PCDHGB4: variants seen among roughly 807,000 people sequenced by gnomAD.
PCDHGB4 encodes protocadherin gamma-B4.
In PCDHGB4, 38 loss-of-function variants were observed where a neutral mutation model predicts 60.5. The ratio of observed to expected loss-of-function variants is 0.63; its 90% CI spans 0.48 to 0.82. PCDHGB4 has a LOEUF of 0.82. PCDHGB4 is among the 40% of genes least tolerant of loss of function. The pLI is 0.00. For synonymous variants in PCDHGB4, 456 were observed against 509.7 expected (o/e 0.89, Z 1.42); for missense variants, 1,109 against 1,209.6 (o/e 0.92, Z 1.23).
At position 141,400,239 on chromosome 5, in the gene PCDHGB4, T is replaced by G. The variant is rs1306520918; in HGVS notation, c.2397+9958T>G. Reference sequence around the variant, plus strand: ...CAGTGCTCTTCCTCCTGGCCGTGATTCTGGCCGTTGCCTTGCGCCTGCGAC... The same window carrying G: ...CAGTGCTCTTCCTCCTGGCCGTGATGCTGGCCGTTGCCTTGCGCCTGCGAC... On this transcript the variant is annotated intron_variant, in intron 1 of 3. Coordinates refer to ENST00000519479, the MANE Select transcript of PCDHGB4 (RefSeq NM_003736.4). 1.9e-6 allele frequency: 3 copies of G among 1,614,054 alleles called. No individual in the cohort carries two copies. The highest frequency in any genetic ancestry group is 2.2e-5 in the East Asian group (1 of 44,880).
intron 1 of PCDHGB4, chr5:141,411,955 A>C (rs1427605209): frequency 6.6e-5 from 10 of 152,244 alleles, no homozygotes; most frequent in African/African-American, 1.2e-4. Context: ...TTTGAAGAAA[A>C]AAGATAAAAT....
intron 1 of PCDHGB4, chr5:141,423,925 T>C (rs17097293): frequency 0.23 from 286,429 of 1,244,544 alleles, 36,355 homozygotes; most frequent in African/African-American, 0.51. Flanking sequence ...ACTATGCTGG[T>C]TTGGTTTGAA....
intron 1 of PCDHGB4, among the ~76,000 whole-genome samples, chr5:141,479,878 A>G (rs1033313584): frequency 2.0e-5 from 3 of 152,170 alleles, no homozygotes; most frequent in African/African-American, 7.2e-5. Context: ...AGAACCCTAT[A>G]CATACTCTCA....
chr5:141,401,888 TTC>T (rs1281227155), intron 1 of PCDHGB4, among the ~76,000 whole-genome samples: 3 of 152,232 alleles, frequency 2.0e-5, no homozygotes, highest in Non-Finnish European at 2.9e-5. Flanking sequence ...ATATTTTGTG[TTC>T]TTTTTCCCAA....
At chr5:141,495,015 G>C in intron 2 of PCDHGB4, 150 bp downstream of exon 2, 2 of 1,507,428 alleles carry the variant, frequency 1.3e-6, no homozygotes, top group East Asian at 4.9e-5. Flanking sequence ...CGGGGGGCTG[G>C]CACACAGACC....
Position 141,403,717 on chromosome 5 carries a change from G to A in PCDHGB4, c.2397+13436G>A, listed in dbSNP as rs1561689674. On this transcript the variant is annotated intron_variant, in intron 1 of 3. Transcript: ENST00000519479. Reference sequence around the variant, plus strand: ...ACCGAGTTAAAGTCCTTGAGAACGTGCCCCCAGGCACCTGGCTGCTTACTG... The same window carrying A: ...ACCGAGTTAAAGTCCTTGAGAACGTACCCCCAGGCACCTGGCTGCTTACTG... 3 of 1,613,936 alleles carry A rather than the reference G, an allele frequency of 1.9e-6. No homozygotes were observed. In the South Asian group the frequency reaches 3.3e-5, roughly 18 times the overall value.
Position 141,388,337 on chromosome 5 carries a change from A to G in PCDHGB4, c.453A>G (p.Arg151=), listed in dbSNP as rs1256150334. Residue 151 remains arginine (R), a synonymous_variant, in exon 1 of 4, where the codon CGA becomes CGG. Transcript: ENST00000519479. ...QISESAQPGT[R]FILGSAHDAD... is the part of the protein sequence containing the mutation. The stretch of plus-strand genomic sequence containing the variant: ...GTGAGTCTGCACAGCCTGGCACACG[A>G]TTTATATTAGGATCTGCCCATGATG... 6.2e-7 allele frequency: 1 copy of G among 1,613,990 alleles called. No homozygotes were observed. The highest frequency in any genetic ancestry group is 8.5e-7 in the Non-Finnish European group (1 of 1,179,872).
intron 1 of PCDHGB4, chr5:141,468,346 AAAAG>A (rs2099164910): frequency 6.8e-6 from 1 of 147,210 alleles, no homozygotes; most frequent in South Asian, 2.2e-4. Flanking sequence ...AAAAAAAAAA[AAAAG>A]AAAGAAAAAA....
chr5:141,469,677 T>C (rs1271778909), intron 1 of PCDHGB4, among the ~76,000 whole-genome samples: 1 of 152,246 alleles, frequency 6.6e-6, no homozygotes, highest in African/African-American at 2.4e-5. Context: ...TAAAACTACA[T>C]ATGCATTGGT....
chr5:141,425,943 C>A (rs2096904576), intron 1 of PCDHGB4, among the ~76,000 whole-genome samples: 1 of 152,220 alleles, frequency 6.6e-6, no homozygotes, highest in Non-Finnish European at 1.5e-5. Flanking sequence ...TGTCTAGTTT[C>A]CTATACATTA....
At chr5:141,504,671 G>C (rs1459848730) in intron 2 of PCDHGB4, among the ~76,000 whole-genome samples, 1 of 111,068 alleles carries the variant, frequency 9.0e-6, no homozygotes, top group East Asian at 3.2e-4. Context: ...GGGGGGTGGG[G>C]GTTCTTGTAA....
At chr5:141,423,975 A>G in intron 1 of PCDHGB4, 2 of 1,126,024 alleles carry the variant, frequency 1.8e-6, no homozygotes, top group Non-Finnish European at 2.2e-6. Flanking sequence ...TTATCAGTGT[A>G]TGAGGCTCTC....
intron 1 of PCDHGB4, chr5:141,414,582 C>T (rs2095761888): frequency 2.5e-6 from 4 of 1,613,862 alleles, no homozygotes; most frequent in Non-Finnish European, 3.4e-6. Flanking sequence ...CAGAGAACAA[C>T]GCCAGGGGTG....
chr5:141,456,701 G>A lies in PCDHGB4; in HGVS notation c.2398-38106G>A, dbSNP rs370086323. ...CATTACTGGCCAGGCGTGGTGGCTC[G>A]CGCCTGTAATCCCAGCACTTTGGGA... On this transcript the variant is annotated intron_variant, in intron 1 of 3. Transcript: ENST00000519479. 2.3e-4 allele frequency among the ~76,000 whole-genome samples: 35 copies of A among 152,106 alleles called. No homozygotes were observed. The South Asian group carries it at 4.8e-3, about 21-fold the overall frequency.
chr5:141,394,491 C>G, intron 1 of PCDHGB4: 1 of 1,614,234 alleles, frequency 6.2e-7, no homozygotes, highest in East Asian at 2.2e-5. Flanking sequence ...TGACAACGCG[C>G]CCGAGATCCT....
chr5:141,399,902 C>T, intron 1 of PCDHGB4: 3 of 1,612,490 alleles, frequency 1.9e-6, no homozygotes, highest in Non-Finnish European at 8.5e-7. Context: ...GCCGTGGACG[C>T]AGACTCAGGA....
intron 1 of PCDHGB4, among the ~76,000 whole-genome samples, chr5:141,488,854 A>G (rs923370040): frequency 1.3e-5 from 2 of 152,226 alleles, no homozygotes; most frequent in Admixed American, 1.3e-4. Context: ...AACCTGCAGC[A>G]CGAAGTGAGT....
rs762979829 is a variant in PCDHGB4, at chr5:141,432,863, T to A, written c.2397+42582T>A. 1 of 1,614,074 alleles carries A rather than the reference T, an allele frequency of 6.2e-7. No individual in the cohort carries two copies. Among genetic ancestry groups the A allele is most frequent in the East Asian group, 2.2e-5 (1 of 44,886 alleles). On this transcript the variant is annotated intron_variant, in intron 1 of 3. Coordinates refer to ENST00000519479, the MANE Select transcript of PCDHGB4 (RefSeq NM_003736.4). The surrounding 1 kb of genome is among the most constrained non-coding windows in gnomAD (Gnocchi z 6.0). ...GGTGGTAGCGGTGGCCGCGGTCTCCTGCGTCTTCCTGGCCTTCGTCATCTT... is the reference window on the plus strand; with the variant it reads ...GGTGGTAGCGGTGGCCGCGGTCTCCAGCGTCTTCCTGGCCTTCGTCATCTT...
chr5:141,413,371 C>G (rs752898022), intron 1 of PCDHGB4: 1 of 1,613,966 alleles, frequency 6.2e-7, no homozygotes, highest in Non-Finnish European at 8.5e-7. Context: ...GCTGGCGGAG[C>G]GCGGAGTCCG....
Sources: allele counts gnomAD v4.1 joint callset (sites outside exome capture counted in the v4.1 genomes callset), GRCh38; gene constraint gnomAD v4.1.1; non-coding constraint Gnocchi (gnomAD v3.1); transcripts MANE v1.5; gene names NCBI Gene and HGNC (gene_info 2026-07-23, HGNC 2026-07-21).